ADAMTSL1: variants seen among roughly 807,000 people sequenced by gnomAD.
The protein encoded by ADAMTSL1 is ADAMTS like 1.
A neutral mutation model predicts 201.8 loss-of-function variants in ADAMTSL1; 126 were observed. That is an observed-to-expected ratio of 0.62 (90% CI 0.54 to 0.72). The LOEUF (loss-of-function observed/expected upper bound fraction) is 0.72. ADAMTSL1 is among the 30% of genes least tolerant of loss of function. The pLI is 0.00. For synonymous variants in ADAMTSL1, 1,121 were observed against 903.4 expected (o/e 1.24, Z -4.32); for missense variants, 2,679 against 2,277.8 (o/e 1.18, Z -3.59).
chr9:18,382,542 T>C lies in ADAMTSL1; in HGVS notation c.208-122287T>C, dbSNP rs190255209. ...GGAAGAGTGTGAGGAATGTTTGTTTTGGAGAACCTCTACTGGCACATGGAG... is the reference window on the plus strand; with the variant it reads ...GGAAGAGTGTGAGGAATGTTTGTTTCGGAGAACCTCTACTGGCACATGGAG... On this transcript the variant is annotated intron_variant, in intron 2 of 29. Coordinates refer to the ADAMTSL1 transcript ENST00000680146. Among the ~76,000 whole-genome samples the C allele has an allele frequency of 3.2e-3, 490 of 152,146 alleles. 12 individuals are homozygous for C. The highest frequency in any genetic ancestry group is 0.027 in the Admixed American group (405 of 15,254).
At chr9:18,731,246 G>T (rs1352145064) in intron 15 of ADAMTSL1, among the ~76,000 whole-genome samples, 6 of 152,212 alleles carry the variant, frequency 3.9e-5, no homozygotes, top group Admixed American at 3.9e-4. Flanking sequence ...TCAGACAGAT[G>T]TTGGCTTTCT....
At chr9:18,038,552 T>C (rs774311023) in intron 1 of ADAMTSL1, among the ~76,000 whole-genome samples, 2 of 152,186 alleles carry the variant, frequency 1.3e-5, no homozygotes, top group African/African-American at 4.8e-5. Context: ...CCTGTATCTT[T>C]TGTGTCTGCT....
chr9:18,889,471 C>T (rs1335367131), intron 24 of ADAMTSL1, 97 bp from the exon 25 acceptor site: 2 of 1,340,674 alleles, frequency 1.5e-6, no homozygotes, highest in African/African-American at 1.5e-5. Context: ...GCCACAAATC[C>T]ACCCCTGTCA....
At chr9:18,294,685 G>C (rs957014617) in intron 2 of ADAMTSL1, among the ~76,000 whole-genome samples, 1 of 152,102 alleles carries the variant, frequency 6.6e-6, no homozygotes, top group African/African-American at 2.4e-5. Context: ...GACTCCAGAG[G>C]GGGCTCTGAA....
intron 2 of ADAMTSL1, among the ~76,000 whole-genome samples, chr9:18,170,323 A>G (rs145377464): frequency 6.6e-6 from 1 of 152,152 alleles, no homozygotes; most frequent in African/African-American, 2.4e-5. Flanking sequence ...TGCACCAAAC[A>G]CTTTACTAAG....
intron 12 of ADAMTSL1, 24 bp downstream of exon 12, chr9:18,681,983 C>G (rs893199009): frequency 6.8e-6 from 11 of 1,612,288 alleles, no homozygotes; most frequent in Non-Finnish European, 9.3e-6. Flanking sequence ...TGCTCTATTA[C>G]CAGCCTGTTA....
intron 1 of ADAMTSL1, among the ~76,000 whole-genome samples, chr9:18,108,640 T>A (rs1190731874): frequency 6.6e-6 from 1 of 152,152 alleles, no homozygotes; most frequent in Non-Finnish European, 1.5e-5. Flanking sequence ...AAATACTGCA[T>A]CCTCAATATC....
At chr9:18,186,959 G>A (rs1052222609) in intron 2 of ADAMTSL1, among the ~76,000 whole-genome samples, 10 of 152,188 alleles carry the variant, frequency 6.6e-5, no homozygotes, top group African/African-American at 2.4e-4. Flanking sequence ...CCAGGACCCA[G>A]ACTCAAGACT....
intron 2 of ADAMTSL1, among the ~76,000 whole-genome samples, chr9:18,325,784 AG>A (rs2132877534): frequency 6.7e-6 from 1 of 149,082 alleles, no homozygotes; most frequent in South Asian, 2.1e-4. Flanking sequence ...TCTTTGGCTT[AG>A]GCTGGAATGA....
chr9:18,009,408 C>T (rs185488250), intron 1 of ADAMTSL1, among the ~76,000 whole-genome samples: 8 of 152,094 alleles, frequency 5.3e-5, no homozygotes, highest in Admixed American at 2.6e-4. Flanking sequence ...TGCCTATTTG[C>T]CTCACAGCAC....
intron 2 of ADAMTSL1, among the ~76,000 whole-genome samples, chr9:18,186,391 A>G (rs541554513): frequency 6.6e-6 from 1 of 152,208 alleles, no homozygotes; most frequent in African/African-American, 2.4e-5. Flanking sequence ...TTGACATTTG[A>G]AGTAGGATGA....
chr9:18,047,296 G>C (rs957685383), intron 1 of ADAMTSL1, among the ~76,000 whole-genome samples: 18 of 152,074 alleles, frequency 1.2e-4, no homozygotes, highest in African/African-American at 2.4e-5. Flanking sequence ...GGGTAATTTT[G>C]CCACCCCAGG....
In ADAMTSL1 at chr9:18,032,196, T is replaced by A. The variant is rs936583388; in HGVS notation, c.87+125274T>A. ...TGGACCAGTCTTGCAAAGGGAGGGA[T>A]GCCTGGCTCCTACACTGGCACACAA... On this transcript the variant is annotated intron_variant, in intron 1 of 29. Coordinates refer to the ADAMTSL1 transcript ENST00000680146. 3.3e-5 allele frequency among the ~76,000 whole-genome samples: 5 copies of A among 152,142 alleles called. No homozygotes were observed. The East Asian group carries it at 9.7e-4, about 29-fold the overall frequency.
intron 23 of ADAMTSL1, among the ~76,000 whole-genome samples, chr9:18,837,406 T>C (rs1039457894): frequency 6.6e-6 from 1 of 152,254 alleles, no homozygotes; most frequent in Non-Finnish European, 1.5e-5. Flanking sequence ...TCAATTGTTC[T>C]TATATACGTG....
chr9:18,366,325 A>G (rs978001321), intron 2 of ADAMTSL1, among the ~76,000 whole-genome samples: 1 of 120,680 alleles, frequency 8.3e-6, no homozygotes, highest in South Asian at 2.5e-4. Context: ...TTCCTTATAT[A>G]CATATGGCTG....
At chr9:18,530,371 A>G (rs1035391949) in intron 2 of ADAMTSL1, among the ~76,000 whole-genome samples, 1 of 152,168 alleles carries the variant, frequency 6.6e-6, no homozygotes, top group Non-Finnish European at 1.5e-5. Context: ...AAAAACATAT[A>G]CTATTAAAGT....
intron 1 of ADAMTSL1, among the ~76,000 whole-genome samples, chr9:18,045,686 T>C (rs1465972650): frequency 6.6e-6 from 1 of 152,106 alleles, no homozygotes; most frequent in East Asian, 1.9e-4. Context: ...TACCCTCACA[T>C]TGTCTAGTCA....
At chr9:18,780,558 A>G (rs1451437627) in intron 19 of ADAMTSL1, among the ~76,000 whole-genome samples, 2 of 152,156 alleles carry the variant, frequency 1.3e-5, no homozygotes, top group African/African-American at 4.8e-5. Flanking sequence ...GGGCTATAAA[A>G]CAATTCAAAT....
At chr9:18,583,110 C>G (rs1823222878) in intron 4 of ADAMTSL1, among the ~76,000 whole-genome samples, 1 of 152,048 alleles carries the variant, frequency 6.6e-6, no homozygotes, top group Non-Finnish European at 1.5e-5. Flanking sequence ...AAATTGGTAC[C>G]AGTAGAGGAG....
Sources: allele counts gnomAD v4.1 joint callset (sites outside exome capture counted in the v4.1 genomes callset), GRCh38; gene constraint gnomAD v4.1.1; transcripts MANE v1.5; gene names NCBI Gene and HGNC (gene_info 2026-07-23, HGNC 2026-07-21).